The following FRMD6 variants were observed in gnomAD, a reference collection of about 807,000 sequenced individuals.
FRMD6 encodes the protein FERM domain-containing protein 6.
Under a neutral mutation model 73.2 loss-of-function variants are expected in FRMD6, and 37 were observed. That is an observed-to-expected ratio of 0.51 (90% CI 0.39 to 0.66). FRMD6 has a LOEUF of 0.66. Ranked by LOEUF, FRMD6 falls within the 30% of genes least tolerant of loss-of-function variation. The pLI, the probability that FRMD6 is intolerant of heterozygous loss-of-function variation, is 0.00. For synonymous variants in FRMD6, 273 were observed against 282.2 expected, an observed-to-expected ratio of 0.97 and a Z score of 0.33; for missense variants, 714 against 780.5, an observed-to-expected ratio of 0.91 and a Z score of 1.02.
At chr14:51,664,943 C>G (rs186904905) in intron 1 of FRMD6, among the ~76,000 whole-genome samples, 1 of 152,230 alleles carries the variant, frequency 6.6e-6, no homozygotes, top group Admixed American at 6.5e-5. Context: ...ATTGTAGATA[C>G]TGGAGTATGC....
In FRMD6 at chr14:51,549,381, C is replaced by G. The variant is rs148636009; in HGVS notation, c.-209-20967C>G. On this transcript the variant is annotated intron_variant, in intron 1 of 14. Transcript: ENST00000356218. ...CAATCACAGTAGATTACATGGCAGG[C>G]TAACAAAGTCTTATTTTGAAAATTG... Among the ~76,000 whole-genome samples, 18 of 152,210 alleles carry G rather than the reference C, an allele frequency of 1.2e-4. No homozygotes were observed. In the East Asian group the frequency reaches 3.5e-3, roughly 29 times the overall value.
At chr14:51,396,518 C>T in the FRMD6 span, among the ~76,000 whole-genome samples, 9 of 152,200 alleles carry the variant, frequency 5.9e-5, no homozygotes, top group East Asian at 3.9e-4. Flanking sequence ...TGTGCTGCCA[C>T]GGAGCTGTAC....
intron 2 of FRMD6, among the ~76,000 whole-genome samples, chr14:51,640,982 T>A (rs1891783910): frequency 6.6e-6 from 1 of 152,162 alleles, no homozygotes; most frequent in African/African-American, 2.4e-5. Context: ...CCTTTTTTTT[T>A]TCTTTTTTGA....
chr14:51,706,099 C>T (rs370265795), intron 6 of FRMD6, among the ~76,000 whole-genome samples: 8 of 152,122 alleles, frequency 5.3e-5, no homozygotes, highest in African/African-American at 9.7e-5. Context: ...CCTCTGAGTA[C>T]GTGGGAGTCA....
the FRMD6 span, among the ~76,000 whole-genome samples, chr14:51,476,838 T>C: frequency 6.6e-6 from 1 of 151,926 alleles, no homozygotes; most frequent in Non-Finnish European, 1.5e-5. Context: ...TTGGCAAAGG[T>C]TGAAATAAGA....
chr14:51,533,746 G>A (rs952215207), intron 1 of FRMD6, among the ~76,000 whole-genome samples: 3 of 152,146 alleles, frequency 2.0e-5, no homozygotes, highest in African/African-American at 7.2e-5. Context: ...GACATTGCCA[G>A]GCCCTTAGAC....
At chr14:51,485,119 C>T (rs986434794), upstream of FRMD6, among the ~76,000 whole-genome samples, 2 of 152,302 alleles carry the variant, frequency 1.3e-5, no homozygotes, top group South Asian at 4.2e-4. Flanking sequence ...TGTCTGTGGA[C>T]AGTTGGCTTT....
the FRMD6 span, among the ~76,000 whole-genome samples, chr14:51,401,274 C>T: frequency 6.6e-6 from 1 of 152,196 alleles, no homozygotes; most frequent in African/African-American, 2.4e-5. Context: ...GCAATAGCAA[C>T]AGTTCCATGG....
At position 51,730,697 on chromosome 14, in the gene FRMD6, C is replaced by G. The variant is rs1898212529; in HGVS notation, c.*2668C>G. 6.6e-6 allele frequency: 1 copy of G among 152,204 alleles called. No homozygotes were observed. The highest frequency in any genetic ancestry group is 2.1e-4 in the South Asian group (1 of 4,824). The allele number at this position is 152,204 out of a possible 1,614,324, so 9.4% of individuals were successfully genotyped here. Reference sequence around the variant, plus strand: ...TATAGATATTTCATGGTAAGATTAGCAGTCAATAAAGTTACTTTTTTGCCT... The same window carrying G: ...TATAGATATTTCATGGTAAGATTAGGAGTCAATAAAGTTACTTTTTTGCCT... On this transcript the variant is annotated 3_prime_UTR_variant, in exon 14 of 14. Transcript: ENST00000344768.
intron 6 of FRMD6, 78 bp from the exon 7 acceptor site, chr14:51,708,000 T>G: frequency 7.2e-7 from 1 of 1,388,700 alleles, no homozygotes; most frequent in Non-Finnish European, 1.0e-6. Flanking sequence ...TTCTCATTCT[T>G]TCATCATTTT....
rs1025597393 is a variant in FRMD6, at chr14:51,624,131, C to T, written c.-147+53721C>T. Among the ~76,000 whole-genome samples, 18 of 152,026 alleles carry T rather than the reference C, an allele frequency of 1.2e-4. 1 individual carries two copies. Among genetic ancestry groups the T allele is most frequent in the African/African-American group, 3.9e-4 (16 of 41,464 alleles). On this transcript the variant is annotated intron_variant, in intron 2 of 14. Transcript: ENST00000356218. The stretch of plus-strand genomic sequence containing the variant: ...ACATGGACACACACGGGGAACAACA[C>T]ACTGGGGCCTACCAGAGGGCAGGGG...
At chr14:51,525,766 T>C (rs1885219075) in intron 1 of FRMD6, among the ~76,000 whole-genome samples, 1 of 152,186 alleles carries the variant, frequency 6.6e-6, no homozygotes, top group African/African-American at 2.4e-5. Context: ...CACACACTTT[T>C]TTACAACTGG....
intron 2 of FRMD6, among the ~76,000 whole-genome samples, chr14:51,591,221 T>A (rs1247558318): frequency 6.6e-6 from 1 of 152,002 alleles, no homozygotes; most frequent in Non-Finnish European, 1.5e-5. Context: ...GCAGCCCTTC[T>A]GGAAGTATGT....
intron 2 of FRMD6, among the ~76,000 whole-genome samples, chr14:51,581,099 A>G (rs368297722): frequency 1.3e-5 from 2 of 152,318 alleles, no homozygotes; most frequent in Non-Finnish European, 2.9e-5. Flanking sequence ...ATGTGGCCCC[A>G]GAGTCTTTCT....
intron 1 of FRMD6, among the ~76,000 whole-genome samples, chr14:51,536,076 TTTTATA>T (rs138738648): frequency 5.0e-4 from 71 of 140,816 alleles, no homozygotes; most frequent in African/African-American, 1.4e-3. Flanking sequence ...TATATATATA[TTTTATA>T]TATATATATA....
At chr14:51,486,201 A>ATTTTTTTTT (rs1180772194), upstream of FRMD6, among the ~76,000 whole-genome samples, 1 of 151,430 alleles carries the variant, frequency 6.6e-6, no homozygotes, top group Non-Finnish European at 1.5e-5. Context: ...TGCCCGGCTA[A>ATTTTTTTTT]TTTTTTGTAT....
chr14:51,436,715 A>C, the FRMD6 span: 1 of 530,616 alleles, frequency 1.9e-6, no homozygotes, highest in Non-Finnish European at 3.5e-6. Flanking sequence ...TATTTGGCCA[A>C]ACCTATTACA....
intron 1 of FRMD6, among the ~76,000 whole-genome samples, chr14:51,497,760 A>T (rs1303189542): frequency 1.3e-5 from 2 of 152,194 alleles, no homozygotes; most frequent in African/African-American, 4.8e-5. Flanking sequence ...CTCAATTTGG[A>T]CTAGCCATAT....
At chr14:51,630,522 A>G (rs1214729242) in intron 2 of FRMD6, among the ~76,000 whole-genome samples, 1 of 152,198 alleles carries the variant, frequency 6.6e-6, no homozygotes, top group African/African-American at 2.4e-5. Context: ...AGCCAAAGTC[A>G]GGGGACTGCT....
Sources: allele counts gnomAD v4.1 joint callset (sites outside exome capture counted in the v4.1 genomes callset), GRCh38; gene constraint gnomAD v4.1.1; transcripts MANE v1.5; gene names NCBI Gene and HGNC (gene_info 2026-07-23, HGNC 2026-07-21).